KIAA1549: variants seen among roughly 807,000 people sequenced by gnomAD.
KIAA1549 encodes the protein UPF0606 protein KIAA1549.
Under a neutral mutation model 156.4 loss-of-function variants are expected in KIAA1549, and 70 were observed. The ratio of observed to expected loss-of-function variants is 0.45; its 90% CI spans 0.37 to 0.55. The LOEUF is 0.55. Among genes scored for constraint, KIAA1549 ranks in the 20% least tolerant of loss-of-function variants. KIAA1549 has a pLI of 0.00. For missense variants in KIAA1549, 2,428 were observed against 2,540.9 expected (o/e 0.96, Z 0.96); for synonymous variants, 1,103 against 1,066.4 (o/e 1.03, Z -0.67).
At chr7:138,874,289 T>C (rs1811019259) in intron 12 of KIAA1549, among the ~76,000 whole-genome samples, 1 of 151,958 alleles carries the variant, frequency 6.6e-6, no homozygotes, top group Non-Finnish European at 1.5e-5. Context: ...AGTAATGATA[T>C]AAATTTTACT....
chr7:138,973,678 T>C (rs1373887031), intron 1 of KIAA1549, among the ~76,000 whole-genome samples: 2 of 152,192 alleles, frequency 1.3e-5, no homozygotes, highest in South Asian at 2.1e-4. Flanking sequence ...AAGTTCTTGC[T>C]CTATCACCCA....
At chr7:138,974,113 C>T (rs1814303246) in intron 1 of KIAA1549, among the ~76,000 whole-genome samples, 2 of 152,256 alleles carry the variant, frequency 1.3e-5, no homozygotes, top group Non-Finnish European at 2.9e-5. Flanking sequence ...TCAAAAGAGA[C>T]ACACAAATGG....
chr7:138,890,241 A>G (rs1811509922), intron 10 of KIAA1549, among the ~76,000 whole-genome samples: 1 of 152,180 alleles, frequency 6.6e-6, no homozygotes, highest in East Asian at 1.9e-4. Flanking sequence ...GTGGGCCATA[A>G]ATACAGTACA....
intron 16 of KIAA1549, among the ~76,000 whole-genome samples, chr7:138,857,364 T>C (rs776686341): frequency 6.6e-6 from 1 of 152,228 alleles, no homozygotes; most frequent in Non-Finnish European, 1.5e-5. Flanking sequence ...TGCTATTATG[T>C]GCTGCTGTTT....
At position 138,837,579 on chromosome 7, in the gene KIAA1549, A is replaced by C; in HGVS notation, c.*327T>G. 2.0e-6 allele frequency: 1 copy of C among 491,134 alleles called. No homozygotes were observed. The highest frequency in any genetic ancestry group is 3.6e-6 in the Non-Finnish European group (1 of 280,736). The allele number at this position is 491,134 out of a possible 1,614,324, so 30.4% of individuals were successfully genotyped here. ...CCTTTCATCCCTATGCTGTCTATAC[A>C]GTTTAATCTCTACCTTTAAAAAAGA... On this transcript the variant is annotated 3_prime_UTR_variant, in exon 20 of 20. Coordinates refer to ENST00000422774, the MANE Select transcript of KIAA1549 (RefSeq NM_001164665.2).
At chr7:138,954,304 A>C (rs537083302) in intron 1 of KIAA1549, among the ~76,000 whole-genome samples, 1 of 152,314 alleles carries the variant, frequency 6.6e-6, no homozygotes, top group East Asian at 1.9e-4. Context: ...TGGGGAAAAG[A>C]GCATGAGTAA....
chr7:138,888,951 T>G (rs1402345905), intron 10 of KIAA1549, among the ~76,000 whole-genome samples: 2 of 152,200 alleles, frequency 1.3e-5, no homozygotes, highest in Non-Finnish European at 2.9e-5. Flanking sequence ...CGATTTCCAA[T>G]TTTATGGGGT....
chr7:138,884,028 AC>A (rs1811321426), intron 10 of KIAA1549, among the ~76,000 whole-genome samples: 1 of 151,952 alleles, frequency 6.6e-6, no homozygotes, highest in Non-Finnish European at 1.5e-5. Context: ...ATTCAGCCCC[AC>A]CCCCCAACCT....
chr7:138,840,972 A>G (rs950549762), intron 18 of KIAA1549, among the ~76,000 whole-genome samples: 2 of 152,228 alleles, frequency 1.3e-5, no homozygotes, highest in South Asian at 4.1e-4. Context: ...CCTAAGAGCA[A>G]CAGACCATAA....
intron 1 of KIAA1549, among the ~76,000 whole-genome samples, chr7:138,939,994 T>A (rs977962076): frequency 6.6e-6 from 1 of 152,110 alleles, no homozygotes; most frequent in Admixed American, 6.5e-5. Flanking sequence ...AAAAAAAATT[T>A]TTTTTTTAAT....
intron 15 of KIAA1549, among the ~76,000 whole-genome samples, chr7:138,867,666 G>A (rs1461705558): frequency 2.0e-5 from 3 of 152,090 alleles, no homozygotes; most frequent in Non-Finnish European, 2.9e-5. Flanking sequence ...AGTTAACCTC[G>A]AAAAAAGTCC....
At chr7:138,870,651 T>A (rs753368931) in intron 13 of KIAA1549, among the ~76,000 whole-genome samples, 2 of 152,198 alleles carry the variant, frequency 1.3e-5, no homozygotes, top group Non-Finnish European at 2.9e-5. Context: ...CTTTTCTGCA[T>A]GTCTGCCAAT....
At position 138,879,604 on chromosome 7, in the gene KIAA1549, T is replaced by C; in HGVS notation, c.4279A>G (p.Arg1427Gly). Residue 1427 changes from arginine to glycine, a missense_variant, in exon 12 of 20, where the codon AGG becomes GGG. This residue lies in a region of KIAA1549 where 404 missense variants were observed against 417.0 expected (regional missense o/e 0.97). Coordinates refer to ENST00000422774, the MANE Select transcript of KIAA1549 (RefSeq NM_001164665.2). ...CCCGGCGTCTTATCTCCTGCGTCCCTCTCGCTGGACTCTTCACTGACCGTA... is the reference window on the plus strand; with the variant it reads ...CCCGGCGTCTTATCTCCTGCGTCCCCCTCGCTGGACTCTTCACTGACCGTA... ...DSTVSEESSE[R>G]DAGDKTPGAV... 1 of 1,566,082 alleles carries C rather than the reference T, an allele frequency of 6.4e-7. No individual in the cohort carries two copies. Among genetic ancestry groups the C allele is most frequent in the Admixed American group, 1.9e-5 (1 of 53,438 alleles).
chr7:138,944,982 T>C (rs1007738685), intron 1 of KIAA1549, among the ~76,000 whole-genome samples: 4 of 152,294 alleles, frequency 2.6e-5, no homozygotes, highest in South Asian at 2.1e-4. Flanking sequence ...ATTGAACACT[T>C]TGAAAGGGCT....
intron 17 of KIAA1549, among the ~76,000 whole-genome samples, chr7:138,848,598 T>C (rs749121157): frequency 1.1e-4 from 17 of 152,224 alleles, no homozygotes; most frequent in Non-Finnish European, 2.4e-4. Flanking sequence ...TTTATATCTA[T>C]GTTCATGAGA....
rs756713328 is a variant in KIAA1549 at position 138,868,006 on chromosome 7, C to G, written c.4898G>C (p.Gly1633Ala). The change falls in exon 15 of 20, where the codon GGC becomes GCC. Residue 1633 changes from glycine to alanine, a missense_variant. This residue lies in a region of KIAA1549 where 404 missense variants were observed against 417.0 expected (regional missense o/e 0.97). Coordinates refer to ENST00000422774, the MANE Select transcript of KIAA1549 (RefSeq NM_001164665.2). ...DSDGTYRRPP[G>A]VHNSAYIGCP... ...TCCGATGTAGGCTGAGTTGTGGACGCCGGGGGGCCTCCTGTAGGTGCCATC... is the reference window on the plus strand; with the variant it reads ...TCCGATGTAGGCTGAGTTGTGGACGGCGGGGGGCCTCCTGTAGGTGCCATC... The G allele has an allele frequency of 6.2e-7, 1 of 1,613,838 alleles. No individual in the cohort carries two copies. Among genetic ancestry groups the G allele is most frequent in the Non-Finnish European group, 8.5e-7 (1 of 1,179,872 alleles).
intron 3 of KIAA1549, among the ~76,000 whole-genome samples, chr7:138,911,855 G>T (rs1284527515): frequency 6.6e-6 from 1 of 151,978 alleles, no homozygotes; most frequent in Non-Finnish European, 1.5e-5. Flanking sequence ...CCGTTTGGAC[G>T]AGCCCCATTT....
At chr7:138,915,607 C>G (rs1232990273) in intron 2 of KIAA1549, among the ~76,000 whole-genome samples, 1 of 152,016 alleles carries the variant, frequency 6.6e-6, no homozygotes, top group Non-Finnish European at 1.5e-5. Flanking sequence ...ACCCCGACCA[C>G]AGAGAGGAAA....
chr7:138,831,698 C>T lies in KIAA1549; in HGVS notation c.*6208G>A, dbSNP rs531466702. The T allele has an allele frequency of 4.3e-6, 1 of 231,084 alleles. No homozygotes were observed. Among genetic ancestry groups the T allele is most frequent in the South Asian group, 1.8e-4 (1 of 5,512 alleles). The allele number at this position is 231,084 out of a possible 1,614,324, so 14.3% of individuals were successfully genotyped here. ...GCTCTGCACATTTCGTACATTAACGCTCATAATCTAGGGATGAGTGTGCAG... is the reference window on the plus strand; with the variant it reads ...GCTCTGCACATTTCGTACATTAACGTTCATAATCTAGGGATGAGTGTGCAG... On this transcript the variant is annotated 3_prime_UTR_variant, in exon 20 of 20. Transcript: ENST00000422774.
Sources: allele counts gnomAD v4.1 joint callset (sites outside exome capture counted in the v4.1 genomes callset), GRCh38; gene constraint gnomAD v4.1.1; regional missense constraint gnomAD v4.1.1; transcripts MANE v1.5; gene names NCBI Gene and HGNC (gene_info 2026-07-23, HGNC 2026-07-21).